The following MSH3 variants were observed in gnomAD, a reference collection of about 807,000 sequenced individuals.
MSH3 encodes the protein DNA mismatch repair protein Msh3.
A neutral mutation model predicts 123.3 loss-of-function variants in MSH3; 106 were observed. The ratio of observed to expected loss-of-function variants is 0.86; its 90% CI spans 0.73 to 1.01. MSH3 has a LOEUF of 1.01. Among genes scored for constraint, MSH3 ranks in the 50% least tolerant of loss-of-function variants. The pLI is 0.00. For missense variants in MSH3, 1,459 were observed against 1,347.6 expected, an observed-to-expected ratio of 1.08 and a Z score of -1.29; for synonymous variants, 515 against 481.4, an observed-to-expected ratio of 1.07 and a Z score of -0.91.
chr5:80,716,912 A>G (rs1750972647), intron 8 of MSH3, among the ~76,000 whole-genome samples: 1 of 152,136 alleles, frequency 6.6e-6, no homozygotes, highest in South Asian at 2.1e-4. Context: ...TTCTACCTCT[A>G]TGAGATCAAC....
intron 17 of MSH3, among the ~76,000 whole-genome samples, chr5:80,779,194 T>C (rs1247372747): frequency 2.0e-5 from 3 of 152,058 alleles, no homozygotes; most frequent in Non-Finnish European, 4.4e-5. Flanking sequence ...GATTTCGCCA[T>C]GTTGGCCAGG....
At chr5:80,758,668 C>G (rs1743973467) in intron 12 of MSH3, among the ~76,000 whole-genome samples, 1 of 152,100 alleles carries the variant, frequency 6.6e-6, no homozygotes, top group African/African-American at 2.4e-5. Context: ...TTATGTTTTC[C>G]CAGATTCCAA....
chr5:80,734,844 G>A (rs1311030233), intron 10 of MSH3, among the ~76,000 whole-genome samples: 1 of 152,184 alleles, frequency 6.6e-6, no homozygotes, highest in Admixed American at 6.5e-5. Context: ...CAAAGAGGCA[G>A]TCATGTTGTT....
At chr5:80,665,965 A>C (rs1214912197) in intron 3 of MSH3, among the ~76,000 whole-genome samples, 1 of 152,244 alleles carries the variant, frequency 6.6e-6, no homozygotes, top group Non-Finnish European at 1.5e-5. Flanking sequence ...AGAACTTCAA[A>C]CAAAAATTGC....
intron 21 of MSH3, among the ~76,000 whole-genome samples, chr5:80,864,047 G>C (rs1478520316): frequency 1.3e-5 from 2 of 152,158 alleles, no homozygotes; most frequent in Non-Finnish European, 2.9e-5. Flanking sequence ...TTTAAGGCGT[G>C]GCAAGGAAAT....
intron 8 of MSH3, among the ~76,000 whole-genome samples, chr5:80,723,370 G>A (rs532440601): frequency 6.6e-6 from 1 of 152,220 alleles, no homozygotes; most frequent in African/African-American, 2.4e-5. Context: ...AATGCAATAT[G>A]CAGTGAAAGT....
intron 8 of MSH3, among the ~76,000 whole-genome samples, chr5:80,709,100 A>AT (rs963493286): frequency 6.6e-6 from 1 of 151,678 alleles, no homozygotes; most frequent in Non-Finnish European, 1.5e-5. Flanking sequence ...TTCAGAAGTT[A>AT]TTGTATTTAT....
At chr5:80,687,998 G>T (rs1426314233) in intron 8 of MSH3, among the ~76,000 whole-genome samples, 1 of 152,102 alleles carries the variant, frequency 6.6e-6, no homozygotes, top group Non-Finnish European at 1.5e-5. Context: ...GACAAGGTAG[G>T]GATGTGTAGT....
chr5:80,731,036 G>T (rs1743403073), intron 10 of MSH3, among the ~76,000 whole-genome samples: 1 of 151,132 alleles, frequency 6.6e-6, no homozygotes, highest in Non-Finnish European at 1.5e-5. Context: ...CCAAGTAGCT[G>T]GGATTACAGG....
intron 3 of MSH3, among the ~76,000 whole-genome samples, chr5:80,666,698 G>T (rs1749582096): frequency 6.6e-6 from 1 of 152,204 alleles, no homozygotes; most frequent in African/African-American, 2.4e-5. Flanking sequence ...AGTAGACAGA[G>T]GGGGCACGTA....
intron 18 of MSH3, among the ~76,000 whole-genome samples, chr5:80,790,780 CAA>C (rs1415280194): frequency 1.3e-5 from 2 of 151,990 alleles, no homozygotes; most frequent in Admixed American, 1.3e-4. Flanking sequence ...CCCGTAAAGG[CAA>C]AGAGAACAAA....
At chr5:80,703,095 C>T (rs2112839295) in intron 8 of MSH3, among the ~76,000 whole-genome samples, 1 of 152,306 alleles carries the variant, frequency 6.6e-6, no homozygotes, top group South Asian at 2.1e-4. Context: ...TAACTGATGT[C>T]ATCTTCACAA....
intron 20 of MSH3, among the ~76,000 whole-genome samples, chr5:80,822,486 T>G (rs761787670): frequency 6.6e-6 from 1 of 152,226 alleles, no homozygotes; most frequent in Non-Finnish European, 1.5e-5. Flanking sequence ...AAAGTCTGTC[T>G]TCATATATGT....
Position 80,740,947 on chromosome 5 carries a change from C to T in MSH3, c.1569-517C>T, listed in dbSNP as rs571270386. ...GCCAGGCTGGTTTCGAACTCCTCAC[C>T]TCAGGTGATCCGCCTGCCTCAGCCT... On this transcript the variant is annotated intron_variant, in intron 10 of 23. Coordinates refer to ENST00000265081, the MANE Select transcript of MSH3 (RefSeq NM_002439.5). Among the ~76,000 whole-genome samples the T allele has an allele frequency of 1.3e-3, 192 of 151,638 alleles. 2 individuals are homozygous for T. Among genetic ancestry groups the T allele is most frequent in the African/African-American group, 4.5e-3 (187 of 41,314 alleles).
intron 19 of MSH3, among the ~76,000 whole-genome samples, chr5:80,798,665 A>G (rs1363031837): frequency 6.6e-6 from 1 of 152,224 alleles, no homozygotes; most frequent in Non-Finnish European, 1.5e-5. Flanking sequence ...TCTAGGAAAC[A>G]TTAATGGCAA....
intron 8 of MSH3, among the ~76,000 whole-genome samples, chr5:80,682,486 A>G (rs1298574373): frequency 6.6e-6 from 1 of 152,110 alleles, no homozygotes; most frequent in Non-Finnish European, 1.5e-5. Context: ...TTGGGAGGCC[A>G]AGTCAGGCGG....
At chr5:80,838,897 A>G (rs1652514233) in intron 20 of MSH3, among the ~76,000 whole-genome samples, 1 of 152,342 alleles carries the variant, frequency 6.6e-6, no homozygotes, top group African/African-American at 2.4e-5. Context: ...TCAATCTTGT[A>G]GACTAGAAGC....
intron 17 of MSH3, among the ~76,000 whole-genome samples, chr5:80,779,874 ATTAAT>A (rs1744379106): frequency 6.6e-6 from 1 of 152,188 alleles, no homozygotes; most frequent in East Asian, 1.9e-4. Context: ...AAAAATTAAC[ATTAAT>A]TTATGAATAT....
intron 23 of MSH3, among the ~76,000 whole-genome samples, chr5:80,875,033 A>G (rs913984674): frequency 6.6e-6 from 1 of 152,254 alleles, no homozygotes; most frequent in African/African-American, 2.4e-5. Context: ...TTGTTATAAT[A>G]GTTGCTATTT....
Sources: allele counts gnomAD v4.1 joint callset (sites outside exome capture counted in the v4.1 genomes callset), GRCh38; gene constraint gnomAD v4.1.1; transcripts MANE v1.5; gene names NCBI Gene and HGNC (gene_info 2026-07-23, HGNC 2026-07-21).